The following IFT80 variants were observed in gnomAD, a reference collection of about 807,000 sequenced individuals.
IFT80 encodes the protein intraflagellar transport protein 80 homolog.
In IFT80, 79 loss-of-function variants were observed where a neutral mutation model predicts 107.9. The ratio of observed to expected loss-of-function variants is 0.73; its 90% CI spans 0.61 to 0.88. IFT80 has a LOEUF of 0.88. Among genes scored for constraint, IFT80 ranks in the 40% least tolerant of loss-of-function variants. The pLI is 0.00. For synonymous variants in IFT80, 299 were observed against 300.9 expected (o/e 0.99, Z 0.07); for missense variants, 797 against 914.2 (o/e 0.87, Z 1.65).
chr3:160,280,520 A>G, intron 15 of IFT80, 147 bp downstream of exon 15: 1 of 663,048 alleles, frequency 1.5e-6, no homozygotes, highest in Non-Finnish European at 2.6e-6. Flanking sequence ...CTTAAGTCTC[A>G]AGCTAGCTTT....
chr3:160,365,491 G>A (rs2108376973), intron 6 of IFT80, among the ~76,000 whole-genome samples: 1 of 152,062 alleles, frequency 6.6e-6, no homozygotes, highest in African/African-American at 2.4e-5. Context: ...ATGTTTTCCT[G>A]GTCTCCTTGG....
intron 8 of IFT80, among the ~76,000 whole-genome samples, chr3:160,339,227 C>T (rs922187864): frequency 1.3e-5 from 2 of 152,252 alleles, no homozygotes; most frequent in Admixed American, 6.5e-5. Flanking sequence ...CATTATCTTT[C>T]CCCCTCAAGC....
At chr3:160,352,119 C>T (rs902266518) in intron 8 of IFT80, among the ~76,000 whole-genome samples, 3 of 151,756 alleles carry the variant, frequency 2.0e-5, no homozygotes, top group Non-Finnish European at 4.4e-5. Flanking sequence ...GGGTTCACGC[C>T]ATTCTCCTGC....
At chr3:160,384,325 C>A (rs1174649870) in intron 2 of IFT80, 4 of 1,005,486 alleles carry the variant, frequency 4.0e-6, no homozygotes, top group East Asian at 6.7e-5. Context: ...AAGTATAGTA[C>A]TTAAGTAGAG....
Position 160,280,752 on chromosome 3 carries a change from T to C in IFT80, c.1579A>G (p.Thr527Ala). ...TCNILCGLQD[T>A]RFIVWYYPNT... is the part of the protein sequence containing the mutation. The stretch of plus-strand genomic sequence containing the variant: ...GGGTAATACCACACTATAAATCGAG[T>C]ATCTTGAAGTCCACAAAGGATATTG... Residue 527 changes from threonine to alanine, a missense_variant, in exon 15 of 20, where the codon ACT becomes GCT. Coordinates refer to ENST00000326448, the MANE Select transcript of IFT80 (RefSeq NM_020800.3). 1 of 1,612,766 alleles carries C rather than the reference T, an allele frequency of 6.2e-7. No homozygotes were observed. Among genetic ancestry groups the C allele is most frequent in the Non-Finnish European group, 8.5e-7 (1 of 1,178,980 alleles).
At chr3:160,309,104 G>T (rs910472920) in intron 9 of IFT80, among the ~76,000 whole-genome samples, 3 of 152,114 alleles carry the variant, frequency 2.0e-5, no homozygotes, top group Non-Finnish European at 2.9e-5. Flanking sequence ...AGAATAAACA[G>T]GTATGTTATG....
intron 18 of IFT80, among the ~76,000 whole-genome samples, chr3:160,273,340 T>C (rs1015186069): frequency 4.6e-5 from 7 of 152,172 alleles, no homozygotes; most frequent in African/African-American, 7.2e-5. Flanking sequence ...CAGATTTCCA[T>C]TGTGAAAAGA....
intron 6 of IFT80, among the ~76,000 whole-genome samples, chr3:160,359,104 A>G (rs1487769512): frequency 6.6e-6 from 1 of 152,238 alleles, no homozygotes; most frequent in Non-Finnish European, 1.5e-5. Context: ...TAATTTGAAT[A>G]TGTTTTTATG....
chr3:160,382,896 G>C (rs1712635378), intron 2 of IFT80, among the ~76,000 whole-genome samples: 1 of 152,078 alleles, frequency 6.6e-6, no homozygotes, highest in South Asian at 2.1e-4. Context: ...TTAAGAGTCT[G>C]CACAAAAAGG....
chr3:160,294,387 A>T (rs1033493274), intron 12 of IFT80, among the ~76,000 whole-genome samples: 31 of 152,068 alleles, frequency 2.0e-4, no homozygotes, highest in African/African-American at 7.5e-4. Context: ...TGCCTGCCTA[A>T]GTTTTGTATA....
At chr3:160,368,108 TA>T (rs1056731563) in intron 5 of IFT80, among the ~76,000 whole-genome samples, 1 of 151,924 alleles carries the variant, frequency 6.6e-6, no homozygotes, top group African/African-American at 2.4e-5. Flanking sequence ...ACATTCTTAG[TA>T]GAATGAAATC....
chr3:160,390,670 T>C (rs1040486061), intron 1 of IFT80, among the ~76,000 whole-genome samples: 1 of 152,184 alleles, frequency 6.6e-6, no homozygotes, highest in Non-Finnish European at 1.5e-5. Flanking sequence ...GAATTTGAAG[T>C]TTTGCTATAC....
At chr3:160,325,235 C>A (rs1164831292) in intron 8 of IFT80, among the ~76,000 whole-genome samples, 1 of 151,984 alleles carries the variant, frequency 6.6e-6, no homozygotes, top group Non-Finnish European at 1.5e-5. Flanking sequence ...AATGCCATCC[C>A]CATTAAGCTA....
intron 8 of IFT80, among the ~76,000 whole-genome samples, chr3:160,324,612 T>C (rs1336822453): frequency 6.6e-6 from 1 of 152,014 alleles, no homozygotes; most frequent in Non-Finnish European, 1.5e-5. Flanking sequence ...ATAAATTAGG[T>C]ATTGATGGGA....
At chr3:160,304,580 C>T (rs1019455906) in intron 10 of IFT80, among the ~76,000 whole-genome samples, 5 of 151,742 alleles carry the variant, frequency 3.3e-5, no homozygotes, top group African/African-American at 4.8e-5. Flanking sequence ...GGACTACAGG[C>T]GCCTGCCACC....
intron 9 of IFT80, among the ~76,000 whole-genome samples, chr3:160,312,224 G>A (rs780178215): frequency 9.2e-5 from 14 of 152,036 alleles, no homozygotes; most frequent in Non-Finnish European, 4.4e-5. Flanking sequence ...AACTGAGCAG[G>A]CCGCTGACTG....
chr3:160,258,985 G>A (rs1312225071), intron 19 of IFT80, among the ~76,000 whole-genome samples: 1 of 152,064 alleles, frequency 6.6e-6, no homozygotes, highest in African/African-American at 2.4e-5. Flanking sequence ...GCACACACCT[G>A]TAGTCCCAGC....
intron 12 of IFT80, among the ~76,000 whole-genome samples, chr3:160,294,720 A>C (rs1715841991): frequency 2.6e-5 from 4 of 152,242 alleles, no homozygotes; most frequent in Admixed American, 2.0e-4. Context: ...GAAGTCTTGA[A>C]GAACCTATAT....
At chr3:160,309,436 A>T (rs1717064473) in intron 9 of IFT80, among the ~76,000 whole-genome samples, 1 of 152,240 alleles carries the variant, frequency 6.6e-6, no homozygotes, top group Non-Finnish European at 1.5e-5. Context: ...CACGCCTGTC[A>T]TCCTAGCACT....
Sources: gnomAD v4.1 joint callset for allele counts (sites outside exome capture counted in the v4.1 genomes callset) on GRCh38, gnomAD v4.1.1 for gene constraint, MANE v1.5 for transcripts, NCBI Gene and HGNC (gene_info 2026-07-23, HGNC 2026-07-21) for gene names.